Variants in SRP54 observed in about 807,000 individuals in gnomAD.
SRP54 encodes signal recognition particle 54.
Under a neutral mutation model 64.8 loss-of-function variants are expected in SRP54, and 10 were observed. That is an observed-to-expected ratio of 0.15 (90% CI 0.10 to 0.26). The LOEUF is 0.26. SRP54 is among the 10% of genes least tolerant of loss of function. SRP54 has a pLI of 1.00. For synonymous variants in SRP54, 193 were observed against 185.6 expected (o/e 1.04, Z -0.32); for missense variants, 325 against 613.7 (o/e 0.53, Z 4.97).
intron 3 of SRP54, among the ~76,000 whole-genome samples, chr14:35,000,562 C>CAA (rs59878870): frequency 8.2e-6 from 1 of 122,000 alleles, no homozygotes; most frequent in South Asian, 2.4e-4. Context: ...GAGACTGTCT[C>CAA]AAAAAAAAAA....
At chr14:34,989,049 A>G (rs1006849700) in intron 1 of SRP54, among the ~76,000 whole-genome samples, 4 of 151,958 alleles carry the variant, frequency 2.6e-5, no homozygotes, top group Admixed American at 1.3e-4. Context: ...TAGAGACACA[A>G]TTTTTTTTCT....
chr14:35,014,676 A>G (rs13379372), intron 10 of SRP54, 68 bp from the exon 11 acceptor site: 2 of 1,151,154 alleles, frequency 1.7e-6, no homozygotes, highest in Non-Finnish European at 2.6e-6. Flanking sequence ...ATGTATGTGA[A>G]TGTGTTTTGT....
chr14:35,009,126 G>A (rs918608943), intron 7 of SRP54, among the ~76,000 whole-genome samples: 1 of 151,908 alleles, frequency 6.6e-6, no homozygotes, highest in Non-Finnish European at 1.5e-5. Flanking sequence ...GACCTCAGGT[G>A]ATCCACCTGC....
chr14:34,986,008 T>C (rs2043889649), intron 1 of SRP54, among the ~76,000 whole-genome samples: 1 of 152,238 alleles, frequency 6.6e-6, no homozygotes, highest in Non-Finnish European at 1.5e-5. Flanking sequence ...ATTTTCGTTT[T>C]AATTTTCTTC....
chr14:34,983,557 G>A (rs754896187), intron 1 of SRP54, among the ~76,000 whole-genome samples: 18 of 152,168 alleles, frequency 1.2e-4, no homozygotes, highest in Admixed American at 6.5e-4. Flanking sequence ...TTTCCTATGT[G>A]TTTGTAGTGC....
intron 1 of SRP54, among the ~76,000 whole-genome samples, chr14:34,995,647 T>A (rs2138973714): frequency 6.6e-6 from 1 of 152,268 alleles, no homozygotes; most frequent in East Asian, 1.9e-4. Flanking sequence ...ACAGTAAGAT[T>A]TTAGAGCTGG....
At chr14:35,020,662 G>A (rs2044515017) in intron 13 of SRP54, among the ~76,000 whole-genome samples, 1 of 151,904 alleles carries the variant, frequency 6.6e-6, no homozygotes, top group Non-Finnish European at 1.5e-5. Flanking sequence ...TTTCTTTTAA[G>A]GTTGTTTTTT....
At chr14:34,991,286 C>T (rs531865358) in intron 1 of SRP54, among the ~76,000 whole-genome samples, 5 of 151,508 alleles carry the variant, frequency 3.3e-5, no homozygotes, top group Admixed American at 6.6e-5. Context: ...TCTGCCACCG[C>T]GCCTGGCTAA....
rs761507639 is a variant in SRP54 at position 34,999,536 on chromosome 14, TC to T, written c.79-21del. On this transcript the variant is annotated intron_variant, in intron 2 of 15. Coordinates refer to ENST00000216774, the MANE Select transcript of SRP54 (RefSeq NM_003136.4). ...AATGAAACATTGGGTGCTTTAAATT[TC>T]ATTTATTTCTTTATTTTCAGGTATT... The T allele has an allele frequency of 7.6e-6, 12 of 1,576,478 alleles. No homozygotes were observed. In the African/African-American group the frequency reaches 1.5e-4, roughly 20 times the overall value.
intron 1 of SRP54, 21 bp from the exon 2 acceptor site, chr14:34,996,656 T>G: frequency 8.1e-7 from 1 of 1,238,734 alleles, no homozygotes; most frequent in African/African-American, 1.5e-5. Context: ...TTATTCTCAC[T>G]TAATTTTTTT....
chr14:35,020,811 C>T (rs551893967), intron 13 of SRP54, among the ~76,000 whole-genome samples: 4 of 152,190 alleles, frequency 2.6e-5, no homozygotes, highest in Non-Finnish European at 5.9e-5. Context: ...ATAACAACTC[C>T]TATGGCATAT....
At chr14:35,014,680 G>A in intron 10 of SRP54, 64 bp from the exon 11 acceptor site, 1 of 1,241,804 alleles carries the variant, frequency 8.1e-7, no homozygotes, top group South Asian at 1.2e-5. Flanking sequence ...ATGTGAATGT[G>A]TTTTGTATAA....
chr14:34,996,081 G>A (rs1041558274), intron 1 of SRP54, among the ~76,000 whole-genome samples: 4 of 141,450 alleles, frequency 2.8e-5, no homozygotes, highest in African/African-American at 5.1e-5. Context: ...AAAAAAAAAA[G>A]AGTAAAATAA....
At chr14:34,992,230 G>C (rs898238945) in intron 1 of SRP54, among the ~76,000 whole-genome samples, 7 of 152,062 alleles carry the variant, frequency 4.6e-5, no homozygotes, top group African/African-American at 1.7e-4. Flanking sequence ...ACTGGGCCCG[G>C]ACAGATTTTG....
At chr14:35,011,683 T>C (rs1392094036) in intron 8 of SRP54, 24 bp downstream of exon 8, 2 of 1,475,270 alleles carry the variant, frequency 1.4e-6, no homozygotes, top group Non-Finnish European at 1.8e-6. Context: ...AATGTAACAC[T>C]ATTATTAGGA....
intron 3 of SRP54, among the ~76,000 whole-genome samples, chr14:35,000,399 C>G (rs995752335): frequency 6.6e-6 from 1 of 151,882 alleles, no homozygotes; most frequent in Non-Finnish European, 1.5e-5. Context: ...AACCCTGTTT[C>G]TACTAAAAAT....
At chr14:35,011,034 C>T (rs2044348941) in intron 7 of SRP54, among the ~76,000 whole-genome samples, 1 of 152,070 alleles carries the variant, frequency 6.6e-6, no homozygotes, top group Admixed American at 6.6e-5. Flanking sequence ...TCAAGTGGTC[C>T]TCCTGCCTCA....
chr14:35,018,474 G>C (rs2044477621), intron 11 of SRP54, among the ~76,000 whole-genome samples: 1 of 152,146 alleles, frequency 6.6e-6, no homozygotes, highest in Non-Finnish European at 1.5e-5. Flanking sequence ...TTCTCAGATA[G>C]AATGTAAGCT....
At chr14:34,999,408 T>G (rs906108347) in intron 2 of SRP54, 150 bp from the exon 3 acceptor site, 4 of 517,606 alleles carry the variant, frequency 7.7e-6, no homozygotes, top group Non-Finnish European at 1.4e-5. Context: ...TGACTAAACA[T>G]TTAATAAAAT....
Sources: gnomAD v4.1 joint callset for allele counts (sites outside exome capture counted in the v4.1 genomes callset) on GRCh38, gnomAD v4.1.1 for gene constraint, MANE v1.5 for transcripts, NCBI Gene and HGNC (gene_info 2026-07-23, HGNC 2026-07-21) for gene names.